Variants in RPRD1A observed in about 807,000 individuals in gnomAD.
The protein encoded by RPRD1A is regulation of nuclear pre-mRNA domain-containing protein 1A.
Under a neutral mutation model 37.8 loss-of-function variants are expected in RPRD1A, and 9 were observed. The ratio of observed to expected loss-of-function variants is 0.24; its 90% CI spans 0.14 to 0.42. The LOEUF (loss-of-function observed/expected upper bound fraction) is 0.42, where lower values mean the gene tolerates loss of function less well. Ranked by LOEUF, RPRD1A falls within the 10% of genes least tolerant of loss-of-function variation. The pLI, the probability that RPRD1A is intolerant of heterozygous loss-of-function variation, is 1.00. For missense variants in RPRD1A, 255 were observed against 371.0 expected (o/e 0.69, Z 2.57); for synonymous variants, 138 against 139.7 (o/e 0.99, Z 0.08).
rs1004470307 is a variant in RPRD1A, at chr18:36,043,238, T to A, written c.152-9401A>T. 5.4e-5 allele frequency among the ~76,000 whole-genome samples: 8 copies of A among 148,740 alleles called. No homozygotes were observed. In the South Asian group the frequency reaches 6.4e-4, roughly 12 times the overall value. On this transcript the variant is annotated intron_variant, in intron 1 of 6. Transcript: ENST00000399022. ...GGGGAGTTACCAACAAAGAATTAAG[T>A]TATAAAAGAGAAACATACAAATTAT...
At chr18:36,027,416 GCTC>G (rs1911448812) in intron 4 of RPRD1A, 106 bp from the exon 5 acceptor site, 10 of 1,202,350 alleles carry the variant, frequency 8.3e-6, no homozygotes, top group Non-Finnish European at 1.1e-5. Context: ...CTAGTACAAA[GCTC>G]CTAATATAAA....
In RPRD1A at chr18:36,051,003, T is replaced by C. The variant is rs573737589; in HGVS notation, c.151+16251A>G. Among the ~76,000 whole-genome samples, 4 of 151,954 alleles carry C rather than the reference T, an allele frequency of 2.6e-5. No individual in the cohort carries two copies. The South Asian group carries it at 8.3e-4, about 32-fold the overall frequency. On this transcript the variant is annotated intron_variant, in intron 1 of 6. Coordinates refer to ENST00000399022, the MANE Select transcript of RPRD1A (RefSeq NM_018170.5). ...TTACAGGCACCAACCCATCACACAATCAAAAACCTGCATATAATTTTTGAC... is the reference window on the plus strand; with the variant it reads ...TTACAGGCACCAACCCATCACACAACCAAAAACCTGCATATAATTTTTGAC...
At chr18:36,004,000 C>CTTTTTTT (rs34397005) in intron 6 of RPRD1A, among the ~76,000 whole-genome samples, 10 of 85,190 alleles carry the variant, frequency 1.2e-4, no homozygotes, top group East Asian at 7.4e-4. Flanking sequence ...CAGACACAGA[C>CTTTTTTT]TTTTTTTTTT....
At chr18:36,046,336 G>C (rs1555675656) in intron 1 of RPRD1A, among the ~76,000 whole-genome samples, 3 of 152,146 alleles carry the variant, frequency 2.0e-5, no homozygotes, top group Non-Finnish European at 4.4e-5. Context: ...CCACTGGGCT[G>C]TATCACAGGA....
chr18:36,017,851 C>T (rs1159532022), intron 6 of RPRD1A, among the ~76,000 whole-genome samples: 4 of 152,152 alleles, frequency 2.6e-5, no homozygotes, highest in Admixed American at 6.5e-5. Flanking sequence ...ATCTGTAGCT[C>T]CCGCTCTTCC....
At chr18:36,056,493 G>A (rs887904512) in intron 1 of RPRD1A, among the ~76,000 whole-genome samples, 8 of 152,014 alleles carry the variant, frequency 5.3e-5, no homozygotes, top group Non-Finnish European at 8.8e-5. Context: ...TCACCATGTT[G>A]GCTAGGCTGG....
At chr18:36,014,959 G>A (rs1235872169) in intron 6 of RPRD1A, among the ~76,000 whole-genome samples, 1 of 152,062 alleles carries the variant, frequency 6.6e-6, no homozygotes, top group Non-Finnish European at 1.5e-5. Context: ...TGTTGGTGAG[G>A]ATGTGGAGAA....
chr18:35,998,188 G>C (rs374779576), intron 6 of RPRD1A, among the ~76,000 whole-genome samples: 4 of 152,022 alleles, frequency 2.6e-5, no homozygotes, highest in Non-Finnish European at 5.9e-5. Flanking sequence ...GTGAAACCCT[G>C]TTTCTACTAA....
intron 1 of RPRD1A, among the ~76,000 whole-genome samples, chr18:36,064,778 AT>A (rs1027378461): frequency 6.6e-6 from 1 of 152,148 alleles, no homozygotes; most frequent in African/African-American, 2.4e-5. Context: ...GCTGTTGAAG[AT>A]TTGTTCTTTC....
chr18:36,033,573 G>A, intron 2 of RPRD1A, 135 bp downstream of exon 2: 1 of 626,880 alleles, frequency 1.6e-6, no homozygotes, highest in South Asian at 3.8e-5. Context: ...CCATGTAGAG[G>A]GAAGTCTTTT....
In RPRD1A at chr18:36,008,575, G is replaced by GTGTGTGTATA. The variant is rs1555670677; in HGVS notation, c.790-15276_790-15275insTATACACACA. Among the ~76,000 whole-genome samples, 133 of 42,356 alleles carry GTGTGTGTATA rather than the reference G, an allele frequency of 3.1e-3. 3 individuals are homozygous for GTGTGTGTATA. The highest frequency in any genetic ancestry group is 0.022 in the East Asian group (36 of 1,644). 27.8% of individuals were successfully genotyped at this position (42,356 alleles called of 152,430 possible). On this transcript the variant is annotated intron_variant, in intron 6 of 6. Transcript: ENST00000399022. ...TGGGCGACACAGCAAGACCTTGTGT[G>GTGTGTGTATA]TGTATATATATATATCTTTAAAAAT... is the stretch of plus-strand genomic sequence containing the variant.
intron 6 of RPRD1A, among the ~76,000 whole-genome samples, chr18:36,013,904 ACAGGT>A (rs1169238579): frequency 6.6e-6 from 1 of 152,150 alleles, no homozygotes; most frequent in Non-Finnish European, 1.5e-5. Context: ...TATAAACAAA[ACAGGT>A]CCATAAAAAA....
chr18:35,999,653 G>A (rs1440272914), intron 6 of RPRD1A, among the ~76,000 whole-genome samples: 6 of 151,068 alleles, frequency 4.0e-5, no homozygotes, highest in African/African-American at 1.2e-4. Flanking sequence ...AAAAAAAAAA[G>A]AGAGAATTTC....
chr18:36,025,917 G>T, intron 6 of RPRD1A: 1 of 252,228 alleles, frequency 4.0e-6, no homozygotes, highest in Non-Finnish European at 7.8e-6. Context: ...AGGTATAGTG[G>T]CCACCAACTA....
In RPRD1A at chr18:35,999,462, C is replaced by CT. The variant is rs1245807854; in HGVS notation, c.790-6163dup. Among the ~76,000 whole-genome samples the CT allele has an allele frequency of 2.0e-5, 3 of 152,160 alleles. No individual in the cohort carries two copies. In the East Asian group the frequency reaches 5.8e-4, roughly 29 times the overall value. ...CAGAATCACCTTGCAGTAAGAACATCTAAGAGAATAAATTTCCTGAAATTT... is the reference window on the plus strand; with the variant it reads ...CAGAATCACCTTGCAGTAAGAACATCTTAAGAGAATAAATTTCCTGAAATTT... On this transcript the variant is annotated intron_variant, in intron 6 of 6. Coordinates refer to ENST00000399022, the MANE Select transcript of RPRD1A (RefSeq NM_018170.5).
chr18:36,053,266 C>A (rs1913529008), intron 1 of RPRD1A, among the ~76,000 whole-genome samples: 1 of 152,060 alleles, frequency 6.6e-6, no homozygotes, highest in East Asian at 1.9e-4. Flanking sequence ...TAACCATTAC[C>A]TCCATCTAGT....
Position 35,993,585 on chromosome 18 carries a change from G to A in RPRD1A, c.790-285C>T, listed in dbSNP as rs1456565549. On this transcript the variant is annotated intron_variant, in intron 6 of 6. Transcript: ENST00000399022. ...ACATATAAGATGTTCAGGTATTCTT[G>A]AGTTTGGGCAAGAAAAATTACATAT... Among the ~76,000 whole-genome samples, 3 of 152,182 alleles carry A rather than the reference G, an allele frequency of 2.0e-5. No homozygotes were observed. The East Asian group carries it at 5.8e-4, about 29-fold the overall frequency.
At chr18:35,997,780 G>A (rs1276504381) in intron 6 of RPRD1A, among the ~76,000 whole-genome samples, 1 of 152,160 alleles carries the variant, frequency 6.6e-6, no homozygotes, top group African/African-American at 2.4e-5. Context: ...CAGTTAGTAT[G>A]TATGTGTACC....
At chr18:36,047,146 T>A (rs80054791) in intron 1 of RPRD1A, among the ~76,000 whole-genome samples, 3,800 of 152,020 alleles carry the variant, frequency 0.025, 171 homozygotes, top group African/African-American at 0.085. Flanking sequence ...GGTTGGAGGT[T>A]ACAGTGAGCT....
Sources: gnomAD v4.1 joint callset for allele counts (sites outside exome capture counted in the v4.1 genomes callset) on GRCh38, gnomAD v4.1.1 for gene constraint, MANE v1.5 for transcripts, NCBI Gene and HGNC (gene_info 2026-07-23, HGNC 2026-07-21) for gene names.